PCDHGA2: variants seen among roughly 807,000 people sequenced by gnomAD.
PCDHGA2 encodes protocadherin gamma-A2.
In PCDHGA2, 40 loss-of-function variants were observed where a neutral mutation model predicts 59.2. The ratio of observed to expected loss-of-function variants is 0.68; its 90% CI spans 0.52 to 0.88. The LOEUF (loss-of-function observed/expected upper bound fraction) is 0.88. PCDHGA2 is among the 40% of genes least tolerant of loss of function. The probability of loss-of-function intolerance (pLI) is 0.00; values close to 1 mark genes in which losing one functional copy is unlikely to be tolerated. For synonymous variants in PCDHGA2, 560 were observed against 526.0 expected, an observed-to-expected ratio of 1.06 and a Z score of -0.89; for missense variants, 1,226 against 1,204.0, an observed-to-expected ratio of 1.02 and a Z score of -0.27.
chr5:141,362,774 C>A, intron 1 of PCDHGA2: 2 of 610,798 alleles, frequency 3.3e-6, no homozygotes, highest in Non-Finnish European at 5.5e-6. Flanking sequence ...AGATATTGCA[C>A]TGTATTTCTT....
At position 141,379,535 on chromosome 5, in the gene PCDHGA2, G is replaced by A. The variant is rs1035667412; in HGVS notation, c.2424+38140G>A. On this transcript the variant is annotated intron_variant, in intron 1 of 3. Coordinates refer to ENST00000394576, the MANE Select transcript of PCDHGA2 (RefSeq NM_018915.4). ...ACATCTTGAGCATTTGTTGTTATAGGGAAAGCTCACTAACTACTTTTCATG... is the reference window on the plus strand; with the variant it reads ...ACATCTTGAGCATTTGTTGTTATAGAGAAAGCTCACTAACTACTTTTCATG... 103 of 152,098 alleles carry A rather than the reference G, an allele frequency of 6.8e-4. 1 individual carries two copies. Among genetic ancestry groups the A allele is most frequent in the African/African-American group, 2.4e-3 (101 of 41,410 alleles). 9.4% of individuals were successfully genotyped at this position (152,098 alleles called of 1,614,324 possible).
intron 1 of PCDHGA2, chr5:141,409,609 C>T: frequency 1.2e-6 from 2 of 1,613,938 alleles, no homozygotes; most frequent in Non-Finnish European, 1.7e-6. Flanking sequence ...CGCCAGGAGC[C>T]TCCATTGCGC....
At chr5:141,394,180 C>T in intron 1 of PCDHGA2, 2 of 1,613,948 alleles carry the variant, frequency 1.2e-6, no homozygotes, top group Non-Finnish European at 1.7e-6. Context: ...CCTCATGCCT[C>T]CTACTCAGCG....
intron 1 of PCDHGA2, chr5:141,371,931 G>T: frequency 6.2e-7 from 1 of 1,613,372 alleles, no homozygotes; most frequent in Non-Finnish European, 8.5e-7. Flanking sequence ...GCGGAGCGGG[G>T]TGGTGTTCGC....
intron 1 of PCDHGA2, chr5:141,410,849 CTTTTTTTTTTTTTT>C (rs759346998): frequency 7.7e-6 from 1 of 129,786 alleles, no homozygotes; most frequent in African/African-American, 6.0e-5. Context: ...TTGTCTTTGT[CTTTTTTTTTTTTTT>C]TTTTTTTTGA....
At chr5:141,370,264 C>A in intron 1 of PCDHGA2, 2 of 752,616 alleles carry the variant, frequency 2.7e-6, no homozygotes, top group Non-Finnish European at 4.2e-6. Flanking sequence ...AGGCTTCCTG[C>A]AGCGGAGACA....
intron 1 of PCDHGA2, chr5:141,383,176 G>A: frequency 6.2e-7 from 1 of 1,614,122 alleles, no homozygotes; most frequent in Non-Finnish European, 8.5e-7. Flanking sequence ...GATAGACCGG[G>A]AAGAGATCTG....
intron 1 of PCDHGA2, chr5:141,371,815 T>C (rs966835739): frequency 1.2e-6 from 2 of 1,613,738 alleles, no homozygotes; most frequent in Non-Finnish European, 1.7e-6. Context: ...ATTGCGCATG[T>C]CAGAGCCTCG....
At chr5:141,384,640 T>C (rs1780304566) in intron 1 of PCDHGA2, 1 of 1,613,956 alleles carries the variant, frequency 6.2e-7, no homozygotes, top group Admixed American at 1.7e-5. Context: ...GGCACCCCGC[T>C]CCGCAGAGCC....
rs1473348277 is a variant in PCDHGA2, at chr5:141,339,155, C to T, written c.184C>T (p.Gln62Ter). ...TTTGGAGCCCCTGGCACTGGCAGAG[C>T]AGGGAGTCCGCATCGTCTCCAGAGG... is the stretch of plus-strand genomic sequence containing the variant. Reference protein sequence around the residue: ...LGLEPLALAEQGVRIVSRGRS... With the variant: ...LGLEPLALAE The change falls in exon 1 of 4, where the codon CAG becomes TAG. Residue 62 changes from glutamine to a stop codon, truncating the protein, a stop_gained. Coordinates refer to ENST00000394576, the MANE Select transcript of PCDHGA2 (RefSeq NM_018915.4). LOFTEE classifies it high-confidence loss of function. 6.2e-7 allele frequency: 1 copy of T among 1,614,176 alleles called. No individual in the cohort carries two copies. The highest frequency in any genetic ancestry group is 1.7e-5 in the Admixed American group (1 of 60,024).
intron 1 of PCDHGA2, chr5:141,352,190 G>A: frequency 6.2e-7 from 1 of 1,613,874 alleles, no homozygotes; most frequent in East Asian, 2.2e-5. Flanking sequence ...CGCTGTGCGT[G>A]ATGGAGGACA....
Position 141,403,717 on chromosome 5 carries a change from G to A in PCDHGA2, c.2424+62322G>A, listed in dbSNP as rs1561689674. On this transcript the variant is annotated intron_variant, in intron 1 of 3. Transcript: ENST00000394576. Reference sequence around the variant, plus strand: ...ACCGAGTTAAAGTCCTTGAGAACGTGCCCCCAGGCACCTGGCTGCTTACTG... The same window carrying A: ...ACCGAGTTAAAGTCCTTGAGAACGTACCCCCAGGCACCTGGCTGCTTACTG... 3 of 1,613,936 alleles carry A rather than the reference G, an allele frequency of 1.9e-6. No homozygotes were observed. In the South Asian group the frequency reaches 3.3e-5, roughly 18 times the overall value.
At chr5:141,383,630 T>A in intron 1 of PCDHGA2, 3 of 1,613,986 alleles carry the variant, frequency 1.9e-6, no homozygotes, top group Non-Finnish European at 1.7e-6. Context: ...GTCTTCTCTC[T>A]GCCTCAGTAC....
chr5:141,341,465 T>C (rs745864721), intron 1 of PCDHGA2, 70 bp downstream of exon 1: 11 of 1,593,780 alleles, frequency 6.9e-6, no homozygotes, highest in Non-Finnish European at 9.4e-6. Flanking sequence ...GTTTACTATA[T>C]CTATTTTGTT....
intron 1 of PCDHGA2, chr5:141,439,845 T>C (rs983341549): frequency 6.6e-6 from 1 of 152,252 alleles, no homozygotes; most frequent in Non-Finnish European, 1.5e-5. Flanking sequence ...ACTCTAACTG[T>C]GGAAAAGGTG....
At chr5:141,465,768 C>T (rs1414064889) in intron 1 of PCDHGA2, among the ~76,000 whole-genome samples, 1 of 151,916 alleles carries the variant, frequency 6.6e-6, no homozygotes, top group Non-Finnish European at 1.5e-5. Flanking sequence ...CATGTTTCAT[C>T]TCTTGTTACA....
At chr5:141,394,618 C>T (rs1439211567) in intron 1 of PCDHGA2, 2 of 1,613,396 alleles carry the variant, frequency 1.2e-6, no homozygotes, top group African/African-American at 1.3e-5. Context: ...GGCCAGAACG[C>T]CTGGCTGTCC....
intron 1 of PCDHGA2, chr5:141,408,124 G>A: frequency 1.4e-6 from 2 of 1,478,862 alleles, no homozygotes; most frequent in Non-Finnish European, 1.8e-6. Context: ...CCTGTCCTGG[G>A]CCGAATGCTC....
rs2099694486 is a variant in PCDHGA2 at position 141,489,987 on chromosome 5, G to A, written c.2425-4820G>A. The A allele has an allele frequency of 1.2e-6, 2 of 1,614,106 alleles. No homozygotes were observed. The highest frequency in any genetic ancestry group is 1.3e-5 in the African/African-American group (1 of 74,932). The stretch of plus-strand genomic sequence containing the variant: ...CCTTCCAATCCTCAGTTCTACGTGT[G>A]GGAATCCCAGAGAATGCACCCATTG... On this transcript the variant is annotated intron_variant, in intron 1 of 3. Coordinates refer to ENST00000394576, the MANE Select transcript of PCDHGA2 (RefSeq NM_018915.4). The surrounding 1 kb of genome is among the most constrained non-coding windows in gnomAD (Gnocchi z 4.5).
Sources: gnomAD v4.1 joint callset for allele counts (sites outside exome capture counted in the v4.1 genomes callset) on GRCh38, gnomAD v4.1.1 for gene constraint, Gnocchi (gnomAD v3.1) non-coding constraint, MANE v1.5 for transcripts, NCBI Gene and HGNC (gene_info 2026-07-23, HGNC 2026-07-21) for gene names.